TCTN2: variants seen among roughly 807,000 people sequenced by gnomAD.
TCTN2 encodes the protein tectonic family member 2.
In TCTN2, 66 loss-of-function variants were observed where a neutral mutation model predicts 83.4. The ratio of observed to expected loss-of-function variants is 0.79; its 90% confidence interval spans 0.65 to 0.97. The LOEUF (loss-of-function observed/expected upper bound fraction) is 0.97, where lower values mean the gene tolerates loss of function less well. TCTN2 is among the 50% of genes least tolerant of loss of function. The probability of loss-of-function intolerance (pLI) is 0.00; values close to 1 mark genes in which losing one functional copy is unlikely to be tolerated. For missense variants in TCTN2, 794 were observed against 858.1 expected (o/e 0.93, Z 0.93); for synonymous variants, 301 against 326.7 (o/e 0.92, Z 0.85).
chr12:123,692,346 A>T (rs956410452), intron 8 of TCTN2, among the ~76,000 whole-genome samples: 1 of 152,146 alleles, frequency 6.6e-6, no homozygotes, highest in Non-Finnish European at 1.5e-5. Flanking sequence ...CGCCTGGCCA[A>T]TTGTTTTCTA....
Position 123,672,123 on chromosome 12 carries a change from C to T in TCTN2, c.258C>T (p.Ile86=), listed in dbSNP as rs756139236. Residue 86 remains isoleucine (I), a synonymous_variant, in exon 3 of 18, where the codon ATC becomes ATT. Coordinates refer to ENST00000303372, the MANE Select transcript of TCTN2 (RefSeq NM_024809.5). ...CGGAAGACTGGAGCGTGACTGTGAT[C>T]CCCGGTGCGGTAAGGCCAGAAGTAA... ...NETEDWSVTV[I]PGAKVLEVTV... is the part of the protein sequence containing the mutation. The T allele has an allele frequency of 1.2e-6, 2 of 1,614,112 alleles. No homozygotes were observed. The highest frequency in any genetic ancestry group is 1.1e-5 in the South Asian group (1 of 91,072).
At chr12:123,704,798 G>A in intron 15 of TCTN2, 110 bp downstream of exon 15, 1 of 1,174,078 alleles carries the variant, frequency 8.5e-7, no homozygotes, top group Non-Finnish European at 1.3e-6. Context: ...TTTACAACTT[G>A]CAATTATTAG....
chr12:123,698,082 G>T (rs1227419529), intron 13 of TCTN2, among the ~76,000 whole-genome samples: 1 of 151,490 alleles, frequency 6.6e-6, no homozygotes, highest in African/African-American at 2.4e-5. Context: ...CACTCTTGTT[G>T]CCCAGGCTGG....
chr12:123,688,146 C>T lies in TCTN2; in HGVS notation c.860C>T (p.Thr287Ile), dbSNP rs1185018336. ...TACAAACAAGGAGATCCCATTATGA[C>T]TGTAAAGAAGGCATATTTTACTATT... Reference protein sequence around the residue: ...FGYKQGDPIMTVKKAYFTIPQ... With the variant: ...FGYKQGDPIMIVKKAYFTIPQ... Residue 287 changes from threonine to isoleucine, a missense_variant, in exon 7 of 18, where the codon ACT (threonine) becomes ATT (isoleucine). Physicochemically the swap from Thr to Ile is moderately conservative, Grantham distance 89. Coordinates refer to ENST00000303372, the MANE Select transcript of TCTN2 (RefSeq NM_024809.5). The T allele has an allele frequency of 1.9e-6, 3 of 1,613,086 alleles. No individual in the cohort carries two copies. The highest frequency in any genetic ancestry group is 2.5e-6 in the Non-Finnish European group (3 of 1,179,574).
intron 4 of TCTN2, among the ~76,000 whole-genome samples, chr12:123,674,389 G>A (rs1021374382): frequency 2.6e-5 from 4 of 152,184 alleles, no homozygotes; most frequent in Admixed American, 1.3e-4. Flanking sequence ...TCCTGCCTCA[G>A]CCTCCCGAGT....
chr12:123,708,258 G>T lies in TCTN2; in HGVS notation c.*545G>T, dbSNP rs191861205. The T allele has an allele frequency of 6.0e-4, 100 of 165,912 alleles. 1 individual carries two copies. The highest frequency in any genetic ancestry group is 5.6e-3 in the Admixed American group (100 of 17,744). 10.3% of individuals were successfully genotyped at this position (165,912 alleles called of 1,614,324 possible). A position where few individuals can be genotyped will look rare whatever the true frequency, so the allele number is the denominator to read the frequency against. On this transcript the variant is annotated 3_prime_UTR_variant, in exon 18 of 18. Transcript: ENST00000303372. ...TCTGCCCACCTCGGCCTCCCAAAGTGCTGGGATCACAGACGTGAGCCACTG... is the reference window on the plus strand; with the variant it reads ...TCTGCCCACCTCGGCCTCCCAAAGTTCTGGGATCACAGACGTGAGCCACTG...
rs185843509 is a variant in TCTN2 at position 123,703,331 on chromosome 12, G to A, written c.1613-1201G>A. Reference sequence around the variant, plus strand: ...CAAGTAGCTGGGATTACAGGTGTGCGCCACCATACCTGGCCAATTTTTGTA... The same window carrying A: ...CAAGTAGCTGGGATTACAGGTGTGCACCACCATACCTGGCCAATTTTTGTA... On this transcript the variant is annotated intron_variant, in intron 14 of 17. Transcript: ENST00000303372. 3.3e-5 allele frequency among the ~76,000 whole-genome samples: 5 copies of A among 151,860 alleles called. No individual in the cohort carries two copies. The East Asian group carries it at 5.8e-4, about 18-fold the overall frequency.
chr12:123,694,749 T>G (rs1322006868), intron 9 of TCTN2, 93 bp from the exon 10 acceptor site: 1 of 1,419,270 alleles, frequency 7.0e-7, no homozygotes, highest in Non-Finnish European at 9.9e-7. Context: ...GCAGGGCACT[T>G]GGGGAAGGCC....
Position 123,671,570 on chromosome 12 carries a change from C to T in TCTN2, c.146C>T (p.Thr49Ile), listed in dbSNP as rs1480822197. 4 of 1,613,864 alleles carry T rather than the reference C, an allele frequency of 2.5e-6. No individual in the cohort carries two copies. The highest frequency in any genetic ancestry group is 1.3e-5 in the African/African-American group (1 of 74,936). The change falls in exon 2 of 18, where the codon ACC (threonine) becomes ATC (isoleucine). Residue 49 changes from threonine (T) to isoleucine (I), a missense_variant. By Grantham distance (89) the Thr-to-Ile change is moderately conservative. Transcript: ENST00000303372. The stretch of plus-strand genomic sequence containing the variant: ...GTCAGCGCGTCCCTGGTCGGAGACA[C>T]CGAGGGTGTGACCGTGTCCCTGGCA... ...PAVSASLVGD[T>I]EGVTVSLAVL...
At chr12:123,687,157 T>G in intron 6 of TCTN2, 122 bp downstream of exon 6, 1 of 1,113,876 alleles carries the variant, frequency 9.0e-7, no homozygotes, top group Non-Finnish European at 1.4e-6. Context: ...GTTCCGTGCC[T>G]AAAGGGTTCA....
chr12:123,704,478 A>G (rs1956206594), intron 14 of TCTN2, 54 bp from the exon 15 acceptor site: 2 of 1,547,800 alleles, frequency 1.3e-6, no homozygotes, highest in South Asian at 2.4e-5. Context: ...ACGACATTGT[A>G]GGAAAACTTA....
At position 123,696,451 on chromosome 12, in the gene TCTN2, T is replaced by C. The variant is rs561567311; in HGVS notation, c.1349T>C (p.Ile450Thr). ...GGCAAGCCTGTCCGAGCTCTAAATA[T>C]CAACAGGATGAATAATGTCACGACT... is the stretch of plus-strand genomic sequence containing the variant. ...QLGKPVRALN[I>T]NRMNNVTTLH... is the part of the protein sequence containing the mutation. The change falls in exon 12 of 18, where the codon ATC becomes ACC. Residue 450 changes from isoleucine (I) to threonine (T), a missense_variant. Physicochemically the swap from Ile to Thr is moderately conservative, Grantham distance 89 (BLOSUM62 -1). Transcript: ENST00000303372. 6.2e-7 allele frequency: 1 copy of C among 1,614,186 alleles called. No individual in the cohort carries two copies. The highest frequency in any genetic ancestry group is 1.7e-5 in the Admixed American group (1 of 60,026).
intron 4 of TCTN2, among the ~76,000 whole-genome samples, chr12:123,676,566 T>TAAAA (rs60100973): frequency 5.3e-4 from 32 of 60,704 alleles, no homozygotes; most frequent in African/African-American, 1.8e-3. Flanking sequence ...AGACTCCATC[T>TAAAA]AAAAAAAAAA....
intron 5 of TCTN2, among the ~76,000 whole-genome samples, chr12:123,680,642 G>A (rs1310162665): frequency 6.7e-6 from 1 of 150,346 alleles, no homozygotes; most frequent in African/African-American, 2.4e-5. Context: ...TCAGCCTCCC[G>A]AGTAACTGGA....
intron 5 of TCTN2, among the ~76,000 whole-genome samples, chr12:123,685,912 G>A (rs1337704659): frequency 7.1e-6 from 1 of 141,158 alleles, no homozygotes; most frequent in Non-Finnish European, 1.5e-5. Flanking sequence ...TTTTAATTTT[G>A]TCGGGGCTGA....
Position 123,697,492 on chromosome 12 carries a change from G to T in TCTN2, c.1505+294G>T, listed in dbSNP as rs367679625. On this transcript the variant is annotated intron_variant, in intron 13 of 17. Transcript: ENST00000303372. Reference sequence around the variant, plus strand: ...TGTTCAGCTCATTGGAACCTTTTTTGTTGTTGTTGTGTGGTTTTTTTTGTT... The same window carrying T: ...TGTTCAGCTCATTGGAACCTTTTTTTTTGTTGTTGTGTGGTTTTTTTTGTT... Among the ~76,000 whole-genome samples, 7 of 152,094 alleles carry T rather than the reference G, an allele frequency of 4.6e-5. 1 individual carries two copies. The highest frequency in any genetic ancestry group is 2.0e-4 in the Admixed American group (3 of 15,266).
Position 123,706,829 on chromosome 12 carries a change from C to T in TCTN2, c.1873C>T (p.Gln625Ter), listed in dbSNP as rs863225426. The T allele has an allele frequency of 1.2e-6, 2 of 1,614,156 alleles. No individual in the cohort carries two copies. The highest frequency in any genetic ancestry group is 2.2e-5 in the East Asian group (1 of 44,884). The stretch of plus-strand genomic sequence containing the variant: ...CGTCCAGTTTATTAAAATTCCTGCA[C>T]AGTTACCCCACCCCCTGACAAGGTA... ...ASVQFIKIPA[Q>*]LPHPLTRFQI... is the part of the protein sequence containing the mutation. The change falls in exon 16 of 18, where the codon CAG becomes TAG. Residue 625 changes from glutamine to a stop codon, truncating the protein, a stop_gained. Transcript: ENST00000303372. LOFTEE classifies it high-confidence loss of function.
At position 123,678,329 on chromosome 12, in the gene TCTN2, T is replaced by C. The variant is rs111337716; in HGVS notation, c.464-860T>C. Among the ~76,000 whole-genome samples the C allele has an allele frequency of 4.1e-3, 623 of 152,356 alleles. 1 individual carries two copies. Among genetic ancestry groups the C allele is most frequent in the Non-Finnish European group, 7.4e-3 (506 of 68,038 alleles). On this transcript the variant is annotated intron_variant, in intron 4 of 17. Coordinates refer to ENST00000303372, the MANE Select transcript of TCTN2 (RefSeq NM_024809.5). ...TGAGGACTTAATGTGAAACAAAGAA[T>C]GTGGAATAGCTCATTCATAATTTTT...
chr12:123,673,819 AG>A lies in TCTN2; in HGVS notation c.463+10del. The A allele has an allele frequency of 1.2e-6, 2 of 1,613,562 alleles. No homozygotes were observed. Among genetic ancestry groups the A allele is most frequent in the South Asian group, 2.2e-5 (2 of 91,070 alleles). ...GACCCATAATGCCTCAGGCAAGTGAAGTCTTTGACTGTCAAAACTTTCATGT... is the reference window on the plus strand; with the variant it reads ...GACCCATAATGCCTCAGGCAAGTGAATCTTTGACTGTCAAAACTTTCATGT... On this transcript the variant is annotated intron_variant, in intron 4 of 17. Transcript: ENST00000303372.
Sources: gnomAD v4.1 joint callset for allele counts (sites outside exome capture counted in the v4.1 genomes callset) on GRCh38, gnomAD v4.1.1 for gene constraint, MANE v1.5 for transcripts, NCBI Gene and HGNC (gene_info 2026-07-23, HGNC 2026-07-21) for gene names.